The following MTCH2 variants were observed in gnomAD, a reference collection of about 807,000 sequenced individuals.
MTCH2 encodes the protein mitochondrial carrier homolog 2.
Under a neutral mutation model 50.6 loss-of-function variants are expected in MTCH2, and 25 were observed. The observed-to-expected ratio is 0.49, with a 90% CI of 0.36 to 0.69. MTCH2 has a LOEUF of 0.69. MTCH2 is among the 30% of genes least tolerant of loss of function. The pLI is 0.00. For missense variants in MTCH2, 273 were observed against 384.4 expected (o/e 0.71, Z 2.42); for synonymous variants, 106 against 132.0 (o/e 0.80, Z 1.35).
intron 10 of MTCH2, 50 bp downstream of exon 10, chr11:47,627,030 A>G: frequency 7.0e-7 from 1 of 1,433,926 alleles, no homozygotes; most frequent in Non-Finnish European, 9.6e-7. Context: ...AGGAAAACAA[A>G]ACAAAACACA....
At chr11:47,616,629 A>G (rs1348942193), downstream of MTCH2, among the ~76,000 whole-genome samples, 1 of 151,776 alleles carries the variant, frequency 6.6e-6, no homozygotes, top group Non-Finnish European at 1.5e-5. Context: ...AACCAGCCTA[A>G]GTTCATATTA....
Position 47,635,534 on chromosome 11 carries a change from C to T in MTCH2, c.306+11G>A. 1 of 1,613,476 alleles carries T rather than the reference C, an allele frequency of 6.2e-7. No homozygotes were observed. On this transcript the variant is annotated intron_variant, in intron 4 of 12. Transcript: ENST00000302503. ...AAAGGCCCTCATGCTTAGAAATCAG[C>T]TCCAACATACCTCACCCTTGTCACT...
the MTCH2 span, among the ~76,000 whole-genome samples, chr11:47,608,511 C>T: frequency 6.6e-6 from 1 of 152,124 alleles, no homozygotes; most frequent in Admixed American, 6.5e-5. Context: ...ATAAATAGCC[C>T]TGTCTCTCAG....
At chr11:47,613,118 G>C (rs1211114022), downstream of MTCH2, among the ~76,000 whole-genome samples, 5 of 151,726 alleles carry the variant, frequency 3.3e-5, no homozygotes, top group Admixed American at 2.6e-4. Context: ...ATGTTGTCTA[G>C]GCTGGTCTCA....
downstream of MTCH2, among the ~76,000 whole-genome samples, chr11:47,616,719 G>A (rs2097288639): frequency 7.2e-6 from 1 of 137,948 alleles, no homozygotes; most frequent in Non-Finnish European, 1.6e-5. Flanking sequence ...TTTCACTCTT[G>A]TTGCCCAGGC....
chr11:47,628,862 G>A, intron 9 of MTCH2, 91 bp downstream of exon 9: 1 of 1,167,170 alleles, frequency 8.6e-7, no homozygotes, highest in Non-Finnish European at 1.2e-6. Context: ...ACAGGTGTGA[G>A]CCACCTCGCC....
At chr11:47,641,496 C>T (rs939143247) in intron 1 of MTCH2, among the ~76,000 whole-genome samples, 4 of 151,980 alleles carry the variant, frequency 2.6e-5, no homozygotes, top group East Asian at 3.9e-4. Flanking sequence ...TTCCTAGGCA[C>T]AGTGCATGAG....
downstream of MTCH2, among the ~76,000 whole-genome samples, chr11:47,614,096 A>C (rs1258280034): frequency 2.6e-5 from 4 of 151,834 alleles, no homozygotes; most frequent in Non-Finnish European, 4.4e-5. Flanking sequence ...CAAACAAACA[A>C]ACACAAAAAC....
the MTCH2 span, among the ~76,000 whole-genome samples, chr11:47,609,959 G>A: frequency 6.6e-6 from 1 of 152,150 alleles, no homozygotes; most frequent in Non-Finnish European, 1.5e-5. Flanking sequence ...GGGGTAGGGA[G>A]GACACAAACT....
In MTCH2 at chr11:47,630,619, G is replaced by A. The variant is rs753705154; in HGVS notation, c.480-5C>T. On this transcript the variant is annotated splice_polypyrimidine_tract_variant and splice_region_variant and intron_variant, in intron 7 of 12. Coordinates refer to ENST00000302503, the MANE Select transcript of MTCH2 (RefSeq NM_014342.4). The stretch of plus-strand genomic sequence containing the variant: ...ATTATGGAATCACAAAGTCCACTAC[G>A]TACACAAGAAGAAAAGGTAAAATAT... The A allele has an allele frequency of 6.8e-6, 11 of 1,606,328 alleles. No homozygotes were observed. The highest frequency in any genetic ancestry group is 4.5e-5 in the East Asian group (2 of 44,830).
intron 11 of MTCH2, among the ~76,000 whole-genome samples, chr11:47,624,066 C>A (rs1598836899): frequency 6.6e-6 from 1 of 151,454 alleles, no homozygotes; most frequent in African/African-American, 2.4e-5. Context: ...ATAACAACAA[C>A]AAAAAAATAC....
At position 47,631,215 on chromosome 11, in the gene MTCH2, C is replaced by T. The variant is rs1328517594; in HGVS notation, c.428-128G>A. The stretch of plus-strand genomic sequence containing the variant: ...CCTGAGGTCAGGAGTTCAAGACTAG[C>T]CTGACCAATATGATGAAGCCCCATC... On this transcript the variant is annotated intron_variant, in intron 6 of 12. Coordinates refer to ENST00000302503, the MANE Select transcript of MTCH2 (RefSeq NM_014342.4). The T allele has an allele frequency of 4.5e-6, 3 of 665,790 alleles. No individual in the cohort carries two copies. The African/African-American group carries it at 5.5e-5, about 12-fold the overall frequency. 41.2% of individuals were successfully genotyped at this position (665,790 alleles called of 1,614,324 possible).
intron 11 of MTCH2, among the ~76,000 whole-genome samples, chr11:47,624,219 G>A (rs2153798847): frequency 6.9e-6 from 1 of 145,414 alleles, no homozygotes; most frequent in Non-Finnish European, 1.5e-5. Context: ...GCAACAGAGT[G>A]AGACTCCATC....
At chr11:47,635,025 G>C (rs551421015) in intron 4 of MTCH2, among the ~76,000 whole-genome samples, 2 of 151,934 alleles carry the variant, frequency 1.3e-5, no homozygotes, top group East Asian at 3.9e-4. Context: ...CACCTGCCTC[G>C]GCCTCCCAAA....
chr11:47,606,752 C>T, the MTCH2 span, among the ~76,000 whole-genome samples: 1 of 152,252 alleles, frequency 6.6e-6, no homozygotes, highest in African/African-American at 2.4e-5. Context: ...CCTGTCTCAT[C>T]AACAGCACCA....
At chr11:47,614,074 AAAACAAACAAAC>A (rs60286227), downstream of MTCH2, among the ~76,000 whole-genome samples, 15 of 151,296 alleles carry the variant, frequency 9.9e-5, no homozygotes, top group Admixed American at 2.0e-4. Flanking sequence ...CCTTGTCTCA[AAAACAAACAAAC>A]AAACAAACAA....
chr11:47,638,321 G>A (rs1036112068), intron 3 of MTCH2, among the ~76,000 whole-genome samples: 1 of 108,422 alleles, frequency 9.2e-6, no homozygotes, highest in African/African-American at 3.5e-5. Context: ...CAGCACTTTG[G>A]GAGGCCGAGG....
chr11:47,615,331 G>A (rs1298742415), downstream of MTCH2, among the ~76,000 whole-genome samples: 1 of 152,128 alleles, frequency 6.6e-6, no homozygotes, highest in African/African-American at 2.4e-5. Flanking sequence ...GAGAAGTAAT[G>A]CTCCTGCTGT....
At position 47,642,511 on chromosome 11, in the gene MTCH2, G is replaced by T; in HGVS notation, c.-46C>A. 2 of 1,517,978 alleles carry T rather than the reference G, an allele frequency of 1.3e-6. No homozygotes were observed. The highest frequency in any genetic ancestry group is 2.5e-5 in the South Asian group (2 of 81,504). The allele number at this position is 1,517,978 out of a possible 1,614,324, so 94.0% of individuals were successfully genotyped here. ...GGACAGACAGACGGAGCCACCAAGC[G>T]ACCCGGTGAGCCGGTCCTAGGTCAC... On this transcript the variant is annotated 5_prime_UTR_variant, in exon 1 of 13. Coordinates refer to ENST00000302503, the MANE Select transcript of MTCH2 (RefSeq NM_014342.4).
Sources: allele counts gnomAD v4.1 joint callset (sites outside exome capture counted in the v4.1 genomes callset), GRCh38; gene constraint gnomAD v4.1.1; transcripts MANE v1.5; gene names NCBI Gene and HGNC (gene_info 2026-07-23, HGNC 2026-07-21).